Variants in TIAM2 observed in about 807,000 individuals in gnomAD.
The protein encoded by TIAM2 is rho guanine nucleotide exchange factor TIAM2.
A neutral mutation model predicts 152.9 loss-of-function variants in TIAM2; 80 were observed. The observed-to-expected ratio is 0.52, with a 90% CI of 0.44 to 0.63. The LOEUF (loss-of-function observed/expected upper bound fraction) is 0.63, where lower values mean the gene tolerates loss of function less well. TIAM2 is among the 30% of genes least tolerant of loss of function. TIAM2 has a pLI of 0.00. For synonymous variants in TIAM2, 804 were observed against 838.0 expected (o/e 0.96, Z 0.70); for missense variants, 1,965 against 2,120.1 (o/e 0.93, Z 1.44).
intron 14 of TIAM2, among the ~76,000 whole-genome samples, chr6:155,193,180 G>T (rs1432227199): frequency 2.0e-5 from 3 of 152,194 alleles, no homozygotes; most frequent in African/African-American, 4.8e-5. Context: ...CGAGGTGGGA[G>T]GATGGCTTGA....
chr6:155,230,165 C>T (rs1253984852), intron 15 of TIAM2, among the ~76,000 whole-genome samples: 1 of 152,100 alleles, frequency 6.6e-6, no homozygotes, highest in East Asian at 1.9e-4. Context: ...CTGAACTCAC[C>T]TCCAGGTGGG....
chr6:155,147,979 T>C (rs766736323), intron 6 of TIAM2, 131 bp from the exon 7 acceptor site: 1 of 861,622 alleles, frequency 1.2e-6, no homozygotes, highest in Non-Finnish European at 1.9e-6. Flanking sequence ...GAATGTGTTT[T>C]TGAAATTAAG....
chr6:155,023,187 C>G (rs1263352092), intron 1 of TIAM2, among the ~76,000 whole-genome samples: 3 of 151,982 alleles, frequency 2.0e-5, no homozygotes, highest in African/African-American at 7.3e-5. Flanking sequence ...ACAGCCACTT[C>G]AGGAAATTGA....
At chr6:155,026,855 GT>G in intron 1 of TIAM2, among the ~76,000 whole-genome samples, 1 of 152,268 alleles carries the variant, frequency 6.6e-6, no homozygotes, top group African/African-American at 2.4e-5. Flanking sequence ...GCTACTGCTG[GT>G]TTTACACATG....
intron 10 of TIAM2, among the ~76,000 whole-genome samples, chr6:155,177,962 C>A (rs1780794457): frequency 6.6e-6 from 1 of 151,952 alleles, no homozygotes; most frequent in African/African-American, 2.4e-5. Flanking sequence ...GAGATCGAGA[C>A]CATCCTGGCT....
chr6:155,012,254 AT>A (rs1420725690), intron 1 of TIAM2, among the ~76,000 whole-genome samples: 12 of 150,192 alleles, frequency 8.0e-5, no homozygotes, highest in African/African-American at 2.8e-4. Flanking sequence ...TACGGCCCAC[AT>A]TTCTTATCCT....
intron 21 of TIAM2, chr6:155,250,535 C>G: frequency 6.5e-7 from 1 of 1,535,738 alleles, no homozygotes. Flanking sequence ...GCTCTTTTAT[C>G]AGCAGCCCGA....
chr6:155,078,750 A>G (rs1778004878), intron 1 of TIAM2, among the ~76,000 whole-genome samples: 1 of 152,192 alleles, frequency 6.6e-6, no homozygotes, highest in South Asian at 2.1e-4. Context: ...TAATGGGTGC[A>G]GCATCTGCCT....
chr6:155,207,032 A>G (rs1226221522), intron 14 of TIAM2, among the ~76,000 whole-genome samples: 1 of 152,188 alleles, frequency 6.6e-6, no homozygotes, highest in Non-Finnish European at 1.5e-5. Flanking sequence ...TGCACTGTAT[A>G]TGTCCTGATG....
Position 155,252,424 on chromosome 6 carries a change from A to C in TIAM2, c.4119+421A>C, listed in dbSNP as rs552145430. ...GTGGAAGCTGCAGTGAGCCTTGATC[A>C]TGCCACTGCATTCCAGCCTGTGCGA... On this transcript the variant is annotated intron_variant, in intron 23 of 26. Coordinates refer to ENST00000682666, the MANE Select transcript of TIAM2 (RefSeq NM_012454.4). Among the ~76,000 whole-genome samples the C allele has an allele frequency of 1.1e-3, 160 of 152,320 alleles. 1 individual carries two copies. Among genetic ancestry groups the C allele is most frequent in the African/African-American group, 3.8e-3 (157 of 41,566 alleles).
rs1399655634 is a variant in TIAM2, at chr6:155,248,104, C to G, written c.3757C>G (p.Leu1253Val). 1.2e-6 allele frequency: 2 copies of G among 1,614,218 alleles called. No homozygotes were observed. The highest frequency in any genetic ancestry group is 8.5e-7 in the Non-Finnish European group (1 of 1,180,044). The change falls in exon 20 of 27, where the codon CTC (leucine) becomes GTC (valine). Residue 1253 changes from leucine to valine, a missense_variant. Physicochemically the swap from Leu to Val is conservative, Grantham distance 32. Coordinates refer to ENST00000682666, the MANE Select transcript of TIAM2 (RefSeq NM_012454.4). ...SYLIKPVQRV[L>V]KYPLLLKELV... is the part of the protein sequence containing the mutation. The stretch of plus-strand genomic sequence containing the variant: ...CCTCATCAAGCCGGTTCAGAGAGTG[C>G]TCAAGTACCCGCTGCTGCTCAAGGA...
chr6:155,244,515 T>A, intron 17 of TIAM2, 143 bp from the exon 18 acceptor site: 1 of 964,074 alleles, frequency 1.0e-6, no homozygotes, highest in Non-Finnish European at 1.5e-6. Context: ...CCATAATGAA[T>A]GTGCTGTCTT....
At chr6:155,122,418 T>C (rs1314670062) in intron 2 of TIAM2, among the ~76,000 whole-genome samples, 1 of 144,992 alleles carries the variant, frequency 6.9e-6, no homozygotes, top group African/African-American at 2.6e-5. Flanking sequence ...TTTTGGGGAT[T>C]AGGAGGGAAT....
At chr6:155,103,723 CAAAAAA>C (rs759945340) in intron 2 of TIAM2, among the ~76,000 whole-genome samples, 1 of 59,874 alleles carries the variant, frequency 1.7e-5, no homozygotes, top group African/African-American at 7.0e-5. Context: ...GACTCTGTCT[CAAAAAA>C]AAAAAAAAAA....
rs1015026390 is a variant in TIAM2, at chr6:155,213,777, C to G, written c.3168+2470C>G. Reference sequence around the variant, plus strand: ...TCCCCTCCTTGGCCTGCCTCCCATGCTCATTGGTGCCCAAAGTACAGCAGG... The same window carrying G: ...TCCCCTCCTTGGCCTGCCTCCCATGGTCATTGGTGCCCAAAGTACAGCAGG... On this transcript the variant is annotated intron_variant, in intron 15 of 26. Coordinates refer to ENST00000682666, the MANE Select transcript of TIAM2 (RefSeq NM_012454.4). The surrounding 1 kb of genome is among the most constrained non-coding windows in gnomAD (Gnocchi z 4.2). 2.0e-5 allele frequency among the ~76,000 whole-genome samples: 3 copies of G among 152,232 alleles called. No homozygotes were observed. The highest frequency in any genetic ancestry group is 7.2e-5 in the African/African-American group (3 of 41,460).
chr6:155,050,204 GTATTTTTAATA>G (rs572503335), intron 1 of TIAM2, among the ~76,000 whole-genome samples: 1 of 152,130 alleles, frequency 6.6e-6, no homozygotes, highest in Non-Finnish European at 1.5e-5. Flanking sequence ...ACTAATTTTT[GTATTTTTAATA>G]GAGACTGGGT....
At chr6:155,195,210 T>G (rs1781311614) in intron 14 of TIAM2, among the ~76,000 whole-genome samples, 1 of 152,210 alleles carries the variant, frequency 6.6e-6, no homozygotes, top group Non-Finnish European at 1.5e-5. Context: ...GTGGCTTTGT[T>G]TATAGCTTGA....
chr6:155,086,671 TACTCCAGCCTG>T (rs916704373), intron 1 of TIAM2, among the ~76,000 whole-genome samples: 1 of 144,636 alleles, frequency 6.9e-6, no homozygotes, highest in Admixed American at 7.2e-5. Flanking sequence ...CGCGCCACTG[TACTCCAGCCTG>T]GGCAACAGAG....
chr6:155,219,129 C>T (rs1209419114), intron 15 of TIAM2, among the ~76,000 whole-genome samples: 1 of 151,978 alleles, frequency 6.6e-6, no homozygotes, highest in Non-Finnish European at 1.5e-5. Context: ...TCTCCCGAAC[C>T]GTCCCATGAG....
Sources: gnomAD v4.1 joint callset for allele counts (sites outside exome capture counted in the v4.1 genomes callset) on GRCh38, gnomAD v4.1.1 for gene constraint, Gnocchi (gnomAD v3.1) non-coding constraint, MANE v1.5 for transcripts, NCBI Gene and HGNC (gene_info 2026-07-23, HGNC 2026-07-21) for gene names.